MOSMO: variants seen among roughly 807,000 people sequenced by gnomAD.
MOSMO encodes the protein modulator of smoothened.
A neutral mutation model predicts 18.4 loss-of-function variants in MOSMO; 5 were observed. That is an observed-to-expected ratio of 0.27 (90% confidence interval 0.14 to 0.57). MOSMO has a LOEUF of 0.57. MOSMO is among the 20% of genes least tolerant of loss of function. The pLI, the probability that MOSMO is intolerant of heterozygous loss-of-function variation, is 0.92. For missense variants in MOSMO, 138 were observed against 211.8 expected, an observed-to-expected ratio of 0.65 and a Z score of 2.16; for synonymous variants, 82 against 82.3, an observed-to-expected ratio of 1.00 and a Z score of 0.02.
intron 1 of MOSMO, among the ~76,000 whole-genome samples, chr16:22,051,423 A>G (rs1021672897): frequency 4.6e-5 from 7 of 152,078 alleles, no homozygotes; most frequent in African/African-American, 1.7e-4. Context: ...TAAAATTTCT[A>G]CATACAAAAA....
At chr16:22,048,818 G>A (rs558210848) in intron 1 of MOSMO, among the ~76,000 whole-genome samples, 41 of 151,960 alleles carry the variant, frequency 2.7e-4, no homozygotes, top group African/African-American at 9.9e-4. Context: ...CCTACTCCAC[G>A]TTTATAGTTC....
chr16:22,016,291 C>G (rs1899634727), intron 1 of MOSMO, among the ~76,000 whole-genome samples: 1 of 152,140 alleles, frequency 6.6e-6, no homozygotes, highest in African/African-American at 2.4e-5. Context: ...TAAAATGTGG[C>G]ATATAAGAGA....
chr16:22,055,308 T>C (rs1900510941), intron 1 of MOSMO, among the ~76,000 whole-genome samples: 1 of 152,176 alleles, frequency 6.6e-6, no homozygotes, highest in Non-Finnish European at 1.5e-5. Context: ...ACACACACCT[T>C]AGTCAACACA....
rs1239287544 is a variant in MOSMO at position 22,008,452 on chromosome 16, C to A, written c.106+45C>A. 5 of 1,217,656 alleles carry A rather than the reference C, an allele frequency of 4.1e-6. No individual in the cohort carries two copies. In the South Asian group the frequency reaches 6.7e-5, roughly 16 times the overall value. 75.4% of individuals were successfully genotyped at this position (1,217,656 alleles called of 1,614,324 possible). On this transcript the variant is annotated intron_variant, in intron 1 of 2. Coordinates refer to ENST00000542527, the MANE Select transcript of MOSMO (RefSeq NM_001164579.2). Reference sequence around the variant, plus strand: ...GGCCGGGCGGGGGATTGGCTGAGGGCGACGCGAGAGAGGGGAGACCCGGAC... The same window carrying A: ...GGCCGGGCGGGGGATTGGCTGAGGGAGACGCGAGAGAGGGGAGACCCGGAC...
rs577255530 is a variant in MOSMO at position 22,011,680 on chromosome 16, T to C, written c.106+3273T>C. 2.4e-3 allele frequency among the ~76,000 whole-genome samples: 365 copies of C among 152,230 alleles called. 2 individuals carry two copies. The highest frequency in any genetic ancestry group is 8.4e-3 in the African/African-American group (350 of 41,518). On this transcript the variant is annotated intron_variant, in intron 1 of 2. Coordinates refer to ENST00000542527, the MANE Select transcript of MOSMO (RefSeq NM_001164579.2). ...GGATCGAGGAAGTGATTGTTTTTTTTCTAAAAGTTTTCCTTGCCATCTCAG... is the reference window on the plus strand; with the variant it reads ...GGATCGAGGAAGTGATTGTTTTTTTCCTAAAAGTTTTCCTTGCCATCTCAG...
At chr16:22,068,295 C>T (rs1048086163) in intron 1 of MOSMO, among the ~76,000 whole-genome samples, 2 of 152,140 alleles carry the variant, frequency 1.3e-5, no homozygotes, top group Middle Eastern at 3.2e-3. Flanking sequence ...CCGTATGCTA[C>T]TGAATTTAAG....
rs572445061 is a variant in MOSMO at position 22,084,593 on chromosome 16, A to G, written c.*3713A>G. The G allele has an allele frequency of 1.3e-5, 2 of 152,338 alleles. No individual in the cohort carries two copies. The highest frequency in any genetic ancestry group is 1.9e-4 in the East Asian group (1 of 5,196). The allele number at this position is 152,338 out of a possible 1,614,324, so 9.4% of individuals were successfully genotyped here. A position where few individuals can be genotyped will look rare whatever the true frequency, so the allele number is the denominator to read the frequency against. Reference sequence around the variant, plus strand: ...GTATAAAATGAACATAATTTTCCTCACTTGTATTTTTGTTATTGAGCAAGT... The same window carrying G: ...GTATAAAATGAACATAATTTTCCTCGCTTGTATTTTTGTTATTGAGCAAGT... On this transcript the variant is annotated 3_prime_UTR_variant, in exon 3 of 3. Coordinates refer to ENST00000542527, the MANE Select transcript of MOSMO (RefSeq NM_001164579.2).
chr16:22,079,421 G>A (rs1901035404), intron 2 of MOSMO, among the ~76,000 whole-genome samples: 1 of 152,170 alleles, frequency 6.6e-6, no homozygotes, highest in African/African-American at 2.4e-5. Flanking sequence ...ATATTTTCTT[G>A]GAAAAGCTAG....
At chr16:22,024,930 G>A (rs1352360967) in intron 1 of MOSMO, among the ~76,000 whole-genome samples, 5 of 151,954 alleles carry the variant, frequency 3.3e-5, no homozygotes, top group South Asian at 4.2e-4. Flanking sequence ...TGGGAGGATC[G>A]CCTGAGCCCA....
intron 1 of MOSMO, among the ~76,000 whole-genome samples, chr16:22,013,892 A>G (rs553080195): frequency 1.8e-4 from 28 of 151,526 alleles, no homozygotes; most frequent in African/African-American, 4.6e-4. Context: ...GGGGGGGGGA[A>G]TCTCAAAAAC....
In MOSMO at chr16:22,080,772, A is replaced by G. The variant is rs991348071; in HGVS notation, c.396A>G (p.Lys132=). ...ATGAAGTCGGAGGTCAACCTTATAA[A>G]TTACCCAACAACACAGTAGTTGGGT... ...YINEVGGQPY[K]LPNNTVVGSS... is the part of the protein sequence containing the mutation. Residue 132 remains lysine, a synonymous_variant, in exon 3 of 3, where the codon AAA becomes AAG. Coordinates refer to ENST00000542527, the MANE Select transcript of MOSMO (RefSeq NM_001164579.2). 1 of 1,503,908 alleles carries G rather than the reference A, an allele frequency of 6.6e-7. No homozygotes were observed. Among genetic ancestry groups the G allele is most frequent in the Non-Finnish European group, 8.8e-7 (1 of 1,133,472 alleles). The allele number at this position is 1,503,908 out of a possible 1,614,324, so 93.2% of individuals were successfully genotyped here.
intron 1 of MOSMO, among the ~76,000 whole-genome samples, chr16:22,051,194 C>A (rs1012293779): frequency 6.6e-6 from 1 of 152,008 alleles, no homozygotes; most frequent in Non-Finnish European, 1.5e-5. Flanking sequence ...TCAAGACCAG[C>A]CTGGCAACAT....
At chr16:22,015,773 A>T (rs1471075070) in intron 1 of MOSMO, among the ~76,000 whole-genome samples, 1 of 152,180 alleles carries the variant, frequency 6.6e-6, no homozygotes, top group East Asian at 1.9e-4. Context: ...CATCTCTTTT[A>T]TCATTACCAA....
At chr16:22,013,398 G>C (rs897438019) in intron 1 of MOSMO, among the ~76,000 whole-genome samples, 1 of 152,070 alleles carries the variant, frequency 6.6e-6, no homozygotes, top group African/African-American at 2.4e-5. Flanking sequence ...GGTTTTCCCA[G>C]ATTACAGAAG....
chr16:22,087,183 T>G (rs1901200563), downstream of MOSMO: 1 of 152,204 alleles, frequency 6.6e-6, no homozygotes, highest in Non-Finnish European at 1.5e-5. Context: ...GGAGGCCTCT[T>G]CAAGCTTGTG....
At chr16:22,053,153 G>A (rs1362877411) in intron 1 of MOSMO, among the ~76,000 whole-genome samples, 1 of 150,658 alleles carries the variant, frequency 6.6e-6, no homozygotes, top group African/African-American at 2.4e-5. Context: ...AGTAGCGATG[G>A]GGTTTTGTCA....
chr16:22,060,612 C>T (rs970458525), intron 1 of MOSMO, among the ~76,000 whole-genome samples: 1 of 152,168 alleles, frequency 6.6e-6, no homozygotes, highest in Admixed American at 6.5e-5. Flanking sequence ...GTGGCTCACA[C>T]CTGTAATCCC....
At position 22,008,294 on chromosome 16, in the gene MOSMO, G is replaced by T; in HGVS notation, c.-8G>T. The T allele has an allele frequency of 6.7e-7, 1 of 1,497,000 alleles. No homozygotes were observed. Among genetic ancestry groups the T allele is most frequent in the Non-Finnish European group, 8.9e-7 (1 of 1,120,562 alleles). 92.7% of individuals were successfully genotyped at this position (1,497,000 alleles called of 1,614,324 possible). On this transcript the variant is annotated 5_prime_UTR_variant, in exon 1 of 3. Transcript: ENST00000542527. Reference sequence around the variant, plus strand: ...GGGCTCGGGGGGTGGGGGGAGCGGGGCGGGGAGATGGATAAACTGACCATC... The same window carrying T: ...GGGCTCGGGGGGTGGGGGGAGCGGGTCGGGGAGATGGATAAACTGACCATC...
chr16:22,069,260 T>C (rs1900802424), intron 1 of MOSMO, among the ~76,000 whole-genome samples: 1 of 152,122 alleles, frequency 6.6e-6, no homozygotes, highest in Admixed American at 6.5e-5. Context: ...GAACAGCATA[T>C]ATGAGGGCCT....
Sources: gnomAD v4.1 joint callset for allele counts (sites outside exome capture counted in the v4.1 genomes callset) on GRCh38, gnomAD v4.1.1 for gene constraint, MANE v1.5 for transcripts, NCBI Gene and HGNC (gene_info 2026-07-23, HGNC 2026-07-21) for gene names.